PLEKHM3: variants seen among roughly 807,000 people sequenced by gnomAD.
PLEKHM3 encodes the protein pleckstrin homology domain-containing family M member 3.
Under a neutral mutation model 81.8 loss-of-function variants are expected in PLEKHM3, and 45 were observed. That is an observed-to-expected ratio of 0.55 (90% CI 0.43 to 0.71). PLEKHM3 has a LOEUF of 0.71. PLEKHM3 is among the 30% of genes least tolerant of loss of function. The pLI, the probability that PLEKHM3 is intolerant of heterozygous loss-of-function variation, is 0.00. For synonymous variants in PLEKHM3, 352 were observed against 356.4 expected, an observed-to-expected ratio of 0.99 and a Z score of 0.14; for missense variants, 788 against 924.3, an observed-to-expected ratio of 0.85 and a Z score of 1.91.
chr2:207,835,526 T>C (rs1395934475), intron 7 of PLEKHM3, among the ~76,000 whole-genome samples: 1 of 152,186 alleles, frequency 6.6e-6, no homozygotes, highest in Non-Finnish European at 1.5e-5. Flanking sequence ...CTCTCCAAAT[T>C]GTCTTGCTCC....
At chr2:207,953,476 T>C (rs1321633838) in intron 3 of PLEKHM3, among the ~76,000 whole-genome samples, 1 of 152,222 alleles carries the variant, frequency 6.6e-6, no homozygotes, top group East Asian at 1.9e-4. Flanking sequence ...TGTCATTCCT[T>C]GTTGGCTGAA....
intron 6 of PLEKHM3, among the ~76,000 whole-genome samples, chr2:207,897,216 T>C (rs1346601352): frequency 6.6e-6 from 1 of 152,182 alleles, no homozygotes; most frequent in Non-Finnish European, 1.5e-5. Flanking sequence ...CAGGTTTCTA[T>C]GGCCTAGATT....
At chr2:207,942,785 A>C (rs1481796894) in intron 4 of PLEKHM3, among the ~76,000 whole-genome samples, 2 of 152,186 alleles carry the variant, frequency 1.3e-5, no homozygotes, top group Non-Finnish European at 2.9e-5. Context: ...CTGTAGTTCC[A>C]GTTACTCAGG....
At chr2:207,968,240 C>T (rs1324156184) in intron 3 of PLEKHM3, among the ~76,000 whole-genome samples, 1 of 152,092 alleles carries the variant, frequency 6.6e-6, no homozygotes, top group African/African-American at 2.4e-5. Context: ...ACCACAACTA[C>T]ACTTCCTCTT....
chr2:207,832,620 C>T (rs148415476), intron 7 of PLEKHM3, among the ~76,000 whole-genome samples: 3,075 of 146,264 alleles, frequency 0.021, 51 homozygotes, highest in Middle Eastern at 0.034. Context: ...GGTGAAACCC[C>T]GTCTCTACTA....
At chr2:207,874,573 T>A (rs921405118) in intron 6 of PLEKHM3, among the ~76,000 whole-genome samples, 5 of 150,178 alleles carry the variant, frequency 3.3e-5, no homozygotes. Flanking sequence ...AAACTCCGTC[T>A]CAAAAACAAA....
intron 1 of PLEKHM3, among the ~76,000 whole-genome samples, chr2:208,016,670 TACACAC>T (rs370576889): frequency 2.3e-4 from 15 of 65,064 alleles, no homozygotes; most frequent in African/African-American, 7.2e-4. Flanking sequence ...AAAAAAAAAA[TACACAC>T]ACACACACAC....
At position 207,977,358 on chromosome 2, in the gene PLEKHM3, A is replaced by G. The variant is rs184167877; in HGVS notation, c.839T>C (p.Leu280Ser). 39 of 1,614,182 alleles carry G rather than the reference A, an allele frequency of 2.4e-5. No homozygotes were observed. The East Asian group carries it at 8.5e-4, about 35-fold the overall frequency. Residue 280 changes from leucine to serine, a missense_variant, in exon 3 of 8, where the codon TTG (leucine) becomes TCG (serine). Coordinates refer to ENST00000427836, the MANE Select transcript of PLEKHM3 (RefSeq NM_001080475.3). ...TAGCTGTAGCTGAGTGTTGTCATAC[A>G]AAACAGTATCCACCATCCTGGCCTC... is the stretch of plus-strand genomic sequence containing the variant. ...NLEARMVDTV[L>S]YDNTQLQLKA... is the part of the protein sequence containing the mutation.
At chr2:208,003,675 C>T (rs558477498) in intron 1 of PLEKHM3, among the ~76,000 whole-genome samples, 76 of 152,260 alleles carry the variant, frequency 5.0e-4, no homozygotes, top group African/African-American at 1.8e-3. Flanking sequence ...AGTTATAAAA[C>T]ATTTCTAGCT....
chr2:207,902,593 G>A (rs890461582), intron 6 of PLEKHM3, among the ~76,000 whole-genome samples: 27 of 152,156 alleles, frequency 1.8e-4, no homozygotes, highest in Admixed American at 1.7e-3. Flanking sequence ...GAGTGTTCGG[G>A]AAGTTTACAA....
At chr2:207,891,753 A>G (rs367833858) in intron 6 of PLEKHM3, among the ~76,000 whole-genome samples, 1 of 152,184 alleles carries the variant, frequency 6.6e-6, no homozygotes, top group Non-Finnish European at 1.5e-5. Flanking sequence ...ACCTCTTCCT[A>G]TAACTGATTC....
At chr2:207,923,969 C>T (rs1166688654) in intron 5 of PLEKHM3, among the ~76,000 whole-genome samples, 15 of 134,270 alleles carry the variant, frequency 1.1e-4, no homozygotes, top group South Asian at 1.0e-3. Context: ...AGTGCAGTGG[C>T]GCAATCTGAG....
intron 2 of PLEKHM3, among the ~76,000 whole-genome samples, chr2:207,995,178 T>A (rs532235399): frequency 6.6e-6 from 1 of 152,190 alleles, no homozygotes; most frequent in African/African-American, 2.4e-5. Flanking sequence ...ATTGGTCTCC[T>A]AAGAAACTGT....
intron 5 of PLEKHM3, chr2:207,929,894 T>A: frequency 2.9e-6 from 2 of 700,616 alleles, no homozygotes; most frequent in Non-Finnish European, 5.2e-6. Flanking sequence ...CAGGTAGGCT[T>A]ACCTCCAAAA....
At chr2:207,854,555 T>C (rs1477585660) in intron 7 of PLEKHM3, among the ~76,000 whole-genome samples, 1 of 152,222 alleles carries the variant, frequency 6.6e-6, no homozygotes, top group Non-Finnish European at 1.5e-5. Context: ...TGACTAAAAT[T>C]TTCCTTTAAT....
intron 5 of PLEKHM3, among the ~76,000 whole-genome samples, chr2:207,910,711 G>A (rs1688784020): frequency 6.6e-6 from 1 of 152,142 alleles, no homozygotes; most frequent in Non-Finnish European, 1.5e-5. Flanking sequence ...GTTTAGGCCG[G>A]TAGCAGTATA....
chr2:207,933,842 C>T (rs775690474), intron 4 of PLEKHM3, among the ~76,000 whole-genome samples: 18 of 152,174 alleles, frequency 1.2e-4, no homozygotes, highest in Non-Finnish European at 1.8e-4. Flanking sequence ...ACATCGCTAC[C>T]GCTGCTGCCT....
At chr2:208,007,975 C>A (rs1342664724) in intron 1 of PLEKHM3, among the ~76,000 whole-genome samples, 1 of 152,134 alleles carries the variant, frequency 6.6e-6, no homozygotes, top group Non-Finnish European at 1.5e-5. Flanking sequence ...ATGGCGTGAA[C>A]CCGGGAGGCG....
At chr2:207,925,472 G>A (rs142895718) in intron 5 of PLEKHM3, among the ~76,000 whole-genome samples, 1 of 152,004 alleles carries the variant, frequency 6.6e-6, no homozygotes, top group Non-Finnish European at 1.5e-5. Flanking sequence ...TATTTCCTGA[G>A]AGCTTGCTCT....
Sources: allele counts gnomAD v4.1 joint callset (sites outside exome capture counted in the v4.1 genomes callset), GRCh38; gene constraint gnomAD v4.1.1; transcripts MANE v1.5; gene names NCBI Gene and HGNC (gene_info 2026-07-23, HGNC 2026-07-21).